The following USP40 variants were observed in gnomAD, a reference collection of about 807,000 sequenced individuals.
The protein encoded by USP40 is ubiquitin specific peptidase 40, also known as ubiquitin carboxyl-terminal hydrolase 40.
Under a neutral mutation model 166.2 loss-of-function variants are expected in USP40, and 143 were observed. The observed-to-expected ratio is 0.86, with a 90% CI of 0.75 to 0.99. The LOEUF is 0.99. Among genes scored for constraint, USP40 ranks in the 50% least tolerant of loss-of-function variants. The probability of loss-of-function intolerance (pLI) is 0.00; values close to 1 mark genes in which losing one functional copy is unlikely to be tolerated. For missense variants in USP40, 1,444 were observed against 1,479.7 expected (o/e 0.98, Z 0.40); for synonymous variants, 498 against 524.0 (o/e 0.95, Z 0.68).
At chr2:233,505,551 A>G (rs967248923) in intron 21 of USP40, among the ~76,000 whole-genome samples, 1 of 152,158 alleles carries the variant, frequency 6.6e-6, no homozygotes, top group African/African-American at 2.4e-5. Flanking sequence ...ATGAACAACT[A>G]CTTGCCAATA....
intron 24 of USP40, among the ~76,000 whole-genome samples, chr2:233,496,090 T>C (rs752269024): frequency 1.3e-5 from 2 of 152,240 alleles, no homozygotes; most frequent in Non-Finnish European, 2.9e-5. Flanking sequence ...AGAAAAGGTG[T>C]AGGAGTGATT....
chr2:233,487,815 A>G (rs994715718), intron 28 of USP40: 1 of 385,520 alleles, frequency 2.6e-6, no homozygotes, highest in Non-Finnish European at 5.2e-6. Flanking sequence ...GTAGTGGGAG[A>G]CAGATACTAA....
intron 11 of USP40, among the ~76,000 whole-genome samples, chr2:233,532,282 G>C (rs772153180): frequency 6.6e-6 from 1 of 152,164 alleles, no homozygotes; most frequent in Non-Finnish European, 1.5e-5. Context: ...TTGCAAATAA[G>C]TGTAACGTTG....
At chr2:233,504,064 G>A (rs973095734) in intron 21 of USP40, among the ~76,000 whole-genome samples, 4 of 152,020 alleles carry the variant, frequency 2.6e-5, no homozygotes, top group African/African-American at 9.7e-5. Context: ...TATGACCAAA[G>A]GTGAGTTGGA....
chr2:233,494,960 A>ATATATATATATT (rs2065637286), intron 24 of USP40, among the ~76,000 whole-genome samples: 3 of 61,758 alleles, frequency 4.9e-5, no homozygotes, highest in African/African-American at 2.7e-4. Flanking sequence ...ATATATTTAT[A>ATATATATATATT]TATATATATA....
Position 233,527,418 on chromosome 2 carries a change from ACTGCC to A in USP40, c.1709_1713del (p.Arg570LeufsTer16). On this transcript the variant is annotated frameshift_variant, in exon 13 of 32. Coordinates refer to ENST00000678225, the MANE Select transcript of USP40 (RefSeq NM_001365479.2). LOFTEE classifies it high-confidence loss of function. ...TAAGGCGATATTACCTGAAATATTG[ACTGCC>A]GGAGATCTCCTAAAGTTTTTCTTTT... The A allele has an allele frequency of 1.2e-6, 2 of 1,611,840 alleles. No homozygotes were observed. Among genetic ancestry groups the A allele is most frequent in the Non-Finnish European group, 1.7e-6 (2 of 1,179,510 alleles).
chr2:233,540,590 G>C (rs1409601113), intron 10 of USP40, 72 bp downstream of exon 10: 3 of 885,566 alleles, frequency 3.4e-6, no homozygotes, highest in Admixed American at 2.3e-5. Flanking sequence ...CTTCTGCAAA[G>C]GAATTCATGT....
At position 233,528,779 on chromosome 2, in the gene USP40, T is replaced by C. The variant is rs561703178; in HGVS notation, c.1553+652A>G. Among the ~76,000 whole-genome samples, 8 of 152,248 alleles carry C rather than the reference T, an allele frequency of 5.3e-5. No homozygotes were observed. The South Asian group carries it at 8.3e-4, about 16-fold the overall frequency. ...ACACCCTGTCACATAATCAGGCAGT[T>C]TGGTCCACAAGGAGATCACGGTAAC... On this transcript the variant is annotated intron_variant, in intron 12 of 31. Coordinates refer to ENST00000678225, the MANE Select transcript of USP40 (RefSeq NM_001365479.2).
In USP40 at chr2:233,518,251, TAAAA is replaced by T. The variant is rs1156279626; in HGVS notation, c.2383+1359_2383+1362del. On this transcript the variant is annotated intron_variant, in intron 18 of 31. Transcript: ENST00000678225. ...TCAAAACCAAACCAGTAACAGATTC[TAAAA>T]AAAAAAAAAAAAAAAAAAAAAAAAA... Among the ~76,000 whole-genome samples the T allele has an allele frequency of 7.4e-3, 369 of 49,800 alleles. 6 individuals carry two copies. The highest frequency in any genetic ancestry group is 0.029 in the African/African-American group (325 of 11,354). The allele number at this position is 49,800 out of a possible 152,430, so 32.7% of individuals were successfully genotyped here.
chr2:233,487,958 G>A (rs1051250770), intron 28 of USP40: 1 of 625,338 alleles, frequency 1.6e-6, no homozygotes, highest in Non-Finnish European at 3.1e-6. Flanking sequence ...AACAGCTGCG[G>A]GTGGGCCTCT....
In USP40 at chr2:233,549,072, G is replaced by C. The variant is rs765145167; in HGVS notation, c.966+29C>G. ...ATAGGAATAGAAAAGAAATTGCAAA[G>C]ATATTTCTAAACGAATTTCTATACG... On this transcript the variant is annotated intron_variant, in intron 8 of 31. Transcript: ENST00000678225. 4.5e-6 allele frequency: 7 copies of C among 1,569,066 alleles called. No homozygotes were observed. In the East Asian group the frequency reaches 1.6e-4, roughly 36 times the overall value.
chr2:233,489,215 G>T (rs2065145324), intron 27 of USP40, 150 bp downstream of exon 27: 1 of 725,696 alleles, frequency 1.4e-6, no homozygotes, highest in East Asian at 2.7e-5. Context: ...AGTTTATGAT[G>T]AAAAGTGTCA....
chr2:233,556,657 A>G (rs1157858210), intron 5 of USP40, 198 bp downstream of exon 5: 1 of 388,702 alleles, frequency 2.6e-6, no homozygotes, highest in Non-Finnish European at 4.4e-6. Flanking sequence ...AAGTTTCAAG[A>G]TATTTGCTTC....
rs7603904 is a variant in USP40 at position 233,547,192 on chromosome 2, A to G, written c.966+1909T>C. On this transcript the variant is annotated intron_variant, in intron 8 of 31. Transcript: ENST00000678225. ...GTTGTTAGTGTATAAATTGTTTAAT[A>G]TTTTATATATTTTGGTATATAAAAT... Among the ~76,000 whole-genome samples the G allele has an allele frequency of 6.3e-3, 967 of 152,328 alleles. 22 individuals are homozygous for G. In the East Asian group the frequency reaches 0.084, roughly 13 times the overall value.
chr2:233,513,347 T>C (rs989123472), intron 18 of USP40, among the ~76,000 whole-genome samples: 25 of 152,218 alleles, frequency 1.6e-4, no homozygotes, highest in East Asian at 1.3e-3. Flanking sequence ...CTTTTGATTA[T>C]GTATTCTTGT....
chr2:233,510,153 G>A lies in USP40; in HGVS notation c.2527-18C>T, dbSNP rs1002204418. 1.3e-6 allele frequency: 2 copies of A among 1,543,686 alleles called. No homozygotes were observed. Among genetic ancestry groups the A allele is most frequent in the African/African-American group, 1.4e-5 (1 of 73,198 alleles). On this transcript the variant is annotated intron_variant, in intron 20 of 31. Coordinates refer to ENST00000678225, the MANE Select transcript of USP40 (RefSeq NM_001365479.2). ...AGGAACAACTAATAACAAGACAGATGTGTAAATGCAATTTAATCTGAATTT... is the reference window on the plus strand; with the variant it reads ...AGGAACAACTAATAACAAGACAGATATGTAAATGCAATTTAATCTGAATTT...
chr2:233,529,559 G>C (rs1461773068), intron 11 of USP40, 47 bp from the exon 12 acceptor site: 2 of 1,469,874 alleles, frequency 1.4e-6, no homozygotes, highest in African/African-American at 1.4e-5. Flanking sequence ...AATGAAATCT[G>C]GTTGCTGGAA....
chr2:233,528,929 T>C (rs1002660978), intron 12 of USP40, among the ~76,000 whole-genome samples: 2 of 152,222 alleles, frequency 1.3e-5, no homozygotes, highest in African/African-American at 4.8e-5. Flanking sequence ...AACCATCTCT[T>C]TAAGTAAGAA....
At chr2:233,515,434 T>C (rs371599021) in intron 18 of USP40, among the ~76,000 whole-genome samples, 4 of 152,272 alleles carry the variant, frequency 2.6e-5, no homozygotes, top group East Asian at 3.9e-4. Context: ...CACAGTAGGG[T>C]GTCATTTGGT....
Sources: gnomAD v4.1 joint callset for allele counts (sites outside exome capture counted in the v4.1 genomes callset) on GRCh38, gnomAD v4.1.1 for gene constraint, MANE v1.5 for transcripts, NCBI Gene and HGNC (gene_info 2026-07-23, HGNC 2026-07-21) for gene names.